Variants in RIMS2 observed in about 807,000 individuals in gnomAD.
The protein encoded by RIMS2 is regulating synaptic membrane exocytosis protein 2.
Under a neutral mutation model 174.4 loss-of-function variants are expected in RIMS2, and 59 were observed. The ratio of observed to expected loss-of-function variants is 0.34; its 90% CI spans 0.27 to 0.42. RIMS2 has a LOEUF of 0.42. RIMS2 is among the 10% of genes least tolerant of loss of function. The pLI, the probability that RIMS2 is intolerant of heterozygous loss-of-function variation, is 1.00. For synonymous variants in RIMS2, 606 were observed against 572.5 expected, an observed-to-expected ratio of 1.06 and a Z score of -0.84; for missense variants, 1,620 against 1,666.3, an observed-to-expected ratio of 0.97 and a Z score of 0.48.
intron 19 of RIMS2, among the ~76,000 whole-genome samples, chr8:104,098,113 A>G (rs2097794115): frequency 6.6e-6 from 1 of 152,206 alleles, no homozygotes; most frequent in Non-Finnish European, 1.5e-5. Flanking sequence ...AGTCTACTGA[A>G]TGTAAAAGTA....
At chr8:104,120,685 G>GA (rs1353750949) in intron 19 of RIMS2, among the ~76,000 whole-genome samples, 1 of 151,758 alleles carries the variant, frequency 6.6e-6, no homozygotes, top group Non-Finnish European at 1.5e-5. Context: ...AGTTTTCTGG[G>GA]AAAAAATGAT....
intron 3 of RIMS2, among the ~76,000 whole-genome samples, chr8:103,854,887 T>C (rs754790900): frequency 6.6e-5 from 10 of 152,080 alleles, no homozygotes; most frequent in Non-Finnish European, 1.5e-4. Flanking sequence ...ATAGAATAAG[T>C]TAGGGAGGAG....
chr8:103,536,321 A>G (rs1839737293), intron 1 of RIMS2, among the ~76,000 whole-genome samples: 1 of 152,292 alleles, frequency 6.6e-6, no homozygotes, highest in Admixed American at 6.5e-5. Context: ...TTTATGGCAG[A>G]GAAGACTTTA....
intron 19 of RIMS2, among the ~76,000 whole-genome samples, chr8:104,182,705 A>C (rs2098947067): frequency 6.6e-6 from 1 of 151,734 alleles, no homozygotes; most frequent in African/African-American, 2.4e-5. Flanking sequence ...CACACCAGCA[A>C]CATTTCAAGT....
At chr8:104,132,292 C>T (rs1219854256) in intron 19 of RIMS2, among the ~76,000 whole-genome samples, 1 of 152,056 alleles carries the variant, frequency 6.6e-6, no homozygotes, top group East Asian at 1.9e-4. Flanking sequence ...AATTTGTCTT[C>T]TGTAACAGAA....
rs1442580023 is a variant in RIMS2 at position 103,910,202 on chromosome 8, G to A, written c.1692+1G>A. On this transcript the variant is annotated splice_donor_variant, in intron 5 of 23. Coordinates refer to ENST00000504942, the Ensembl canonical transcript of RIMS2. LOFTEE classifies it high-confidence loss of function. ...CAGTGAGGCATCCCCAATGTCTTTG[G>A]TGAGACATGTGGAGCCTTACTATTT... 1 of 1,600,460 alleles carries A rather than the reference G, an allele frequency of 6.2e-7. No individual in the cohort carries two copies. Among genetic ancestry groups the A allele is most frequent in the South Asian group, 1.1e-5 (1 of 89,904 alleles).
At chr8:104,246,672 G>C (rs2099332400) in intron 20 of RIMS2, among the ~76,000 whole-genome samples, 1 of 152,180 alleles carries the variant, frequency 6.6e-6, no homozygotes, top group African/African-American at 2.4e-5. Flanking sequence ...ACGGGGAAAG[G>C]AAATATTCGA....
chr8:103,822,733 G>T (rs1476226615), intron 3 of RIMS2, among the ~76,000 whole-genome samples: 1 of 151,838 alleles, frequency 6.6e-6, no homozygotes, highest in East Asian at 1.9e-4. Context: ...AAACTCACTT[G>T]ACTCACTTGA....
intron 3 of RIMS2, among the ~76,000 whole-genome samples, chr8:103,816,213 T>A (rs953784892): frequency 6.6e-6 from 1 of 152,144 alleles, no homozygotes; most frequent in Non-Finnish European, 1.5e-5. Flanking sequence ...ATGACCCTTA[T>A]AGAAGATGAT....
intron 19 of RIMS2, among the ~76,000 whole-genome samples, chr8:104,087,642 A>T (rs1412189425): frequency 6.6e-6 from 1 of 152,072 alleles, no homozygotes; most frequent in Admixed American, 6.6e-5. Flanking sequence ...CACAAAGGCG[A>T]CCTCATAAGG....
intron 19 of RIMS2, among the ~76,000 whole-genome samples, chr8:104,168,302 G>C (rs1406999137): frequency 6.6e-6 from 1 of 152,032 alleles, no homozygotes; most frequent in Non-Finnish European, 1.5e-5. Context: ...ATGAGCATGG[G>C]TTGTGTTTCC....
chr8:103,636,803 C>CCCCCCCCCG (rs1322508776), intron 1 of RIMS2, among the ~76,000 whole-genome samples: 1 of 74,178 alleles, frequency 1.3e-5, no homozygotes, highest in Non-Finnish European at 2.7e-5. Flanking sequence ...CCCCCCCCCA[C>CCCCCCCCCG]ACACACACAC....
chr8:103,902,307 T>G (rs1292532103), intron 4 of RIMS2, among the ~76,000 whole-genome samples: 2 of 152,156 alleles, frequency 1.3e-5, no homozygotes, highest in African/African-American at 4.8e-5. Flanking sequence ...ACAAGCTGAC[T>G]AGCAAGGCAA....
At chr8:103,816,633 G>T (rs2098720226) in intron 3 of RIMS2, among the ~76,000 whole-genome samples, 1 of 152,166 alleles carries the variant, frequency 6.6e-6, no homozygotes, top group Non-Finnish European at 1.5e-5. Flanking sequence ...TTAAGGATGA[G>T]TAGGGGCAGG....
At chr8:104,160,087 T>A (rs1190502513) in intron 19 of RIMS2, among the ~76,000 whole-genome samples, 1 of 151,708 alleles carries the variant, frequency 6.6e-6, no homozygotes. Context: ...TGCAGTGAGC[T>A]GAGATGGTGC....
intron 3 of RIMS2, among the ~76,000 whole-genome samples, chr8:103,823,424 T>C (rs781546327): frequency 1.5e-4 from 23 of 152,064 alleles, no homozygotes; most frequent in Non-Finnish European, 2.7e-4. Context: ...TTATTAGTAC[T>C]ATTCTCTCTA....
At position 104,223,671 on chromosome 8, in the gene RIMS2, G is replaced by C. The variant is rs749875320; in HGVS notation, c.3335-21245G>C. The C allele has an allele frequency of 5.0e-6, 8 of 1,590,978 alleles. No homozygotes were observed. The Admixed American group carries it at 6.7e-5, about 13-fold the overall frequency. ...TCCAAGATGGGCCGGCAGGGCTTGG[G>C]GGGTGCCAGCGCTGCGGGGCGCTCC... On this transcript the variant is annotated intron_variant, in intron 19 of 23. Coordinates refer to ENST00000504942, the Ensembl canonical transcript of RIMS2.
intron 3 of RIMS2, among the ~76,000 whole-genome samples, chr8:103,824,540 G>A (rs947763396): frequency 2.6e-5 from 4 of 152,138 alleles, no homozygotes; most frequent in East Asian, 1.9e-4. Context: ...CCCATTGCAC[G>A]TTAAAAATTA....
At chr8:104,036,034 T>C (rs938724708) in intron 19 of RIMS2, among the ~76,000 whole-genome samples, 1 of 152,146 alleles carries the variant, frequency 6.6e-6, no homozygotes, top group African/African-American at 2.4e-5. Flanking sequence ...CAGTTTTCTC[T>C]GCACATACAG....
Sources: allele counts gnomAD v4.1 joint callset (sites outside exome capture counted in the v4.1 genomes callset), GRCh38; gene constraint gnomAD v4.1.1; transcripts MANE v1.5; gene names NCBI Gene and HGNC (gene_info 2026-07-23, HGNC 2026-07-21).